HPSE2: variants seen among roughly 807,000 people sequenced by gnomAD.
HPSE2 encodes heparanase 2 (inactive).
HPSE2 carries 38 observed loss-of-function variants against 60.5 expected under a neutral mutation model. The ratio of observed to expected loss-of-function variants is 0.63; its 90% CI spans 0.48 to 0.82. The LOEUF (loss-of-function observed/expected upper bound fraction) is 0.82. Among genes scored for constraint, HPSE2 ranks in the 40% least tolerant of loss-of-function variants. HPSE2 has a pLI of 0.00. For synonymous variants in HPSE2, 295 were observed against 293.2 expected (o/e 1.01, Z -0.06); for missense variants, 713 against 740.4 (o/e 0.96, Z 0.43).
intron 11 of HPSE2, among the ~76,000 whole-genome samples, chr10:98,479,328 C>T (rs1235219671): frequency 6.6e-6 from 1 of 152,210 alleles, no homozygotes; most frequent in Non-Finnish European, 1.5e-5. Flanking sequence ...GCTAATATGG[C>T]TTCAAGCTGT....
At chr10:98,570,308 C>T (rs2133895571) in intron 9 of HPSE2, among the ~76,000 whole-genome samples, 1 of 152,308 alleles carries the variant, frequency 6.6e-6, no homozygotes, top group Admixed American at 6.5e-5. Context: ...TGGCACGGCT[C>T]CTGTTGCTTT....
At chr10:99,085,141 T>C (rs767969080) in intron 3 of HPSE2, among the ~76,000 whole-genome samples, 1 of 152,220 alleles carries the variant, frequency 6.6e-6, no homozygotes, top group Non-Finnish European at 1.5e-5. Flanking sequence ...TAGTGTGCTT[T>C]GGCACTGCCC....
At chr10:98,496,031 C>A (rs1341620599) in intron 9 of HPSE2, among the ~76,000 whole-genome samples, 1 of 151,880 alleles carries the variant, frequency 6.6e-6, no homozygotes, top group Non-Finnish European at 1.5e-5. Flanking sequence ...CTAGGGTTTG[C>A]TGATTTTTAG....
At chr10:99,194,983 A>G (rs944165887) in intron 2 of HPSE2, among the ~76,000 whole-genome samples, 4 of 152,202 alleles carry the variant, frequency 2.6e-5, no homozygotes, top group South Asian at 2.1e-4. Flanking sequence ...ACAAGAATCA[A>G]TAAAATTCAA....
intron 3 of HPSE2, among the ~76,000 whole-genome samples, chr10:99,105,486 T>C (rs1383507814): frequency 6.6e-6 from 1 of 151,972 alleles, no homozygotes; most frequent in East Asian, 1.9e-4. Flanking sequence ...TTTTTTTTTA[T>C]AATCGAGTTG....
chr10:98,581,002 G>A (rs4120646), intron 9 of HPSE2, among the ~76,000 whole-genome samples: 84,377 of 149,668 alleles, frequency 0.56, 23,996 homozygotes, highest in Middle Eastern at 0.65. Context: ...GTGTGGTCCC[G>A]TGATCTCAGC....
intron 3 of HPSE2, among the ~76,000 whole-genome samples, chr10:98,917,431 A>T (rs1419226114): frequency 6.6e-6 from 1 of 152,204 alleles, no homozygotes; most frequent in East Asian, 1.9e-4. Flanking sequence ...AGCAATCATC[A>T]CGTGAGTGGG....
intron 3 of HPSE2, among the ~76,000 whole-genome samples, chr10:98,969,593 A>T (rs1955899268): frequency 6.6e-6 from 1 of 152,192 alleles, no homozygotes; most frequent in Admixed American, 6.5e-5. Context: ...AATTAAGAAG[A>T]AACATGATGT....
intron 10 of HPSE2, among the ~76,000 whole-genome samples, chr10:98,483,480 T>A (rs1218946113): frequency 1.3e-5 from 2 of 152,240 alleles, no homozygotes; most frequent in Admixed American, 1.3e-4. Context: ...TTATTTCTGA[T>A]GGATAAAGTC....
At chr10:98,669,894 AAAAGT>A (rs1220851547) in intron 6 of HPSE2, among the ~76,000 whole-genome samples, 3 of 152,234 alleles carry the variant, frequency 2.0e-5, no homozygotes, top group Admixed American at 1.3e-4. Context: ...TTAAAAAAGA[AAAAGT>A]AAAGAAGGGG....
At chr10:99,163,026 G>A (rs1186204029) in intron 2 of HPSE2, among the ~76,000 whole-genome samples, 4 of 151,976 alleles carry the variant, frequency 2.6e-5, no homozygotes, top group Admixed American at 6.6e-5. Context: ...TGGCTAACAC[G>A]GTGAAACTCT....
intron 9 of HPSE2, among the ~76,000 whole-genome samples, chr10:98,595,881 T>C (rs1028932719): frequency 6.6e-6 from 1 of 152,232 alleles, no homozygotes; most frequent in African/African-American, 2.4e-5. Context: ...ATTCTTTGTA[T>C]ACCTAATTGT....
At chr10:99,313,640 G>T in the HPSE2 span, among the ~76,000 whole-genome samples, 1 of 114,622 alleles carries the variant, frequency 8.7e-6, no homozygotes, top group South Asian at 2.8e-4. Context: ...TCACTCTGTC[G>T]CCAGGCCGGA....
At chr10:98,479,541 G>A (rs924958486) in intron 11 of HPSE2, among the ~76,000 whole-genome samples, 11 of 152,224 alleles carry the variant, frequency 7.2e-5, no homozygotes, top group Admixed American at 6.5e-4. Flanking sequence ...CAGAGCACTA[G>A]ATGTGGTCTT....
chr10:99,305,977 GCGCACACACA>G, the HPSE2 span, among the ~76,000 whole-genome samples: 1 of 53,728 alleles, frequency 1.9e-5, no homozygotes, highest in South Asian at 6.3e-4. Context: ...GCGCGCGCGC[GCGCACACACA>G]CACACACACA....
rs1438464642 is a variant in HPSE2 at position 98,932,828 on chromosome 10, CTTA to C, written c.611-188775_611-188773del. Among the ~76,000 whole-genome samples the C allele has an allele frequency of 2.1e-5, 3 of 143,378 alleles. No individual in the cohort carries two copies. In the East Asian group the frequency reaches 5.9e-4, roughly 28 times the overall value. 94.1% of individuals were successfully genotyped at this position (143,378 alleles called of 152,430 possible). A position where few individuals can be genotyped will look rare whatever the true frequency, so the allele number is the denominator to read the frequency against. ...CTCTAGGGTCAGTGATGGTATCCCCCTTATTATTTCTGATTGTGTTTATTTGAA... is the reference window on the plus strand; with the variant it reads ...CTCTAGGGTCAGTGATGGTATCCCCCTTATTTCTGATTGTGTTTATTTGAA... On this transcript the variant is annotated intron_variant, in intron 3 of 11. Transcript: ENST00000370552.
rs577804269 is a variant in HPSE2, at chr10:98,654,908, T to C, written c.1005-12968A>G. 2.0e-5 allele frequency among the ~76,000 whole-genome samples: 3 copies of C among 152,300 alleles called. No homozygotes were observed. The East Asian group carries it at 5.8e-4, about 29-fold the overall frequency. On this transcript the variant is annotated intron_variant, in intron 6 of 11. Coordinates refer to ENST00000370552, the MANE Select transcript of HPSE2 (RefSeq NM_021828.5). ...TGCCAGAGGCTTCAAAGCCCCCTAGTATCCTTGTTTATGCCTCTTTTCTTC... is the reference window on the plus strand; with the variant it reads ...TGCCAGAGGCTTCAAAGCCCCCTAGCATCCTTGTTTATGCCTCTTTTCTTC...
At chr10:99,120,321 A>G (rs1203981984) in intron 3 of HPSE2, among the ~76,000 whole-genome samples, 2 of 152,200 alleles carry the variant, frequency 1.3e-5, no homozygotes, top group Admixed American at 6.6e-5. Flanking sequence ...GTGGCCAATA[A>G]TCCTATGAAA....
chr10:98,629,526 T>C (rs1946305159), intron 7 of HPSE2, among the ~76,000 whole-genome samples: 1 of 152,220 alleles, frequency 6.6e-6, no homozygotes, highest in Non-Finnish European at 1.5e-5. Context: ...ACTCTCCACT[T>C]ACTTGCTACA....
Sources: allele counts gnomAD v4.1 joint callset (sites outside exome capture counted in the v4.1 genomes callset), GRCh38; gene constraint gnomAD v4.1.1; transcripts MANE v1.5; gene names NCBI Gene and HGNC (gene_info 2026-07-23, HGNC 2026-07-21).